PTPRT: variants seen among roughly 807,000 people sequenced by gnomAD.
PTPRT encodes protein tyrosine phosphatase receptor type T, also known as receptor-type tyrosine-protein phosphatase T.
PTPRT carries 56 observed loss-of-function variants against 176.8 expected under a neutral mutation model. The ratio of observed to expected loss-of-function variants is 0.32; its 90% CI spans 0.26 to 0.40. The LOEUF (loss-of-function observed/expected upper bound fraction) is 0.40. Ranked by LOEUF, PTPRT falls within the 10% of genes least tolerant of loss-of-function variation. The pLI, the probability that PTPRT is intolerant of heterozygous loss-of-function variation, is 1.00. For missense variants in PTPRT, 1,540 were observed against 1,908.2 expected (o/e 0.81, Z 3.60); for synonymous variants, 783 against 739.0 (o/e 1.06, Z -0.96).
At chr20:42,247,234 T>C (rs1195215908) in intron 14 of PTPRT, among the ~76,000 whole-genome samples, 1 of 152,080 alleles carries the variant, frequency 6.6e-6, no homozygotes, top group Non-Finnish European at 1.5e-5. Context: ...AGAAGAAATG[T>C]CCTCACAGTT....
intron 11 of PTPRT, among the ~76,000 whole-genome samples, chr20:42,320,772 C>G (rs2057789841): frequency 6.6e-6 from 1 of 152,184 alleles, no homozygotes; most frequent in South Asian, 2.1e-4. Context: ...TTTGTCTCAT[C>G]TCAAACCAAA....
chr20:42,913,339 C>T (rs535203727), intron 1 of PTPRT, among the ~76,000 whole-genome samples: 2 of 152,290 alleles, frequency 1.3e-5, no homozygotes, highest in African/African-American at 4.8e-5. Context: ...CCATGTCTCT[C>T]CCCTGGCTTT....
intron 17 of PTPRT, among the ~76,000 whole-genome samples, chr20:42,151,080 C>T (rs1989107873): frequency 6.6e-6 from 1 of 151,696 alleles, no homozygotes; most frequent in African/African-American, 2.4e-5. Flanking sequence ...TTTTGGTCCA[C>T]TTGTAGAAAT....
intron 2 of PTPRT, among the ~76,000 whole-genome samples, chr20:42,846,997 T>C (rs966997851): frequency 1.3e-5 from 2 of 152,204 alleles, no homozygotes; most frequent in Admixed American, 6.5e-5. Context: ...GCCTGTGTTT[T>C]CTCATTTTAA....
chr20:42,567,598 C>T (rs558158837), intron 7 of PTPRT, among the ~76,000 whole-genome samples: 2 of 152,346 alleles, frequency 1.3e-5, no homozygotes, highest in East Asian at 1.9e-4. Flanking sequence ...GCCTTGTCTG[C>T]TTCACAGCTA....
intron 7 of PTPRT, among the ~76,000 whole-genome samples, chr20:42,556,448 G>A (rs2072862320): frequency 6.6e-6 from 1 of 152,086 alleles, no homozygotes; most frequent in African/African-American, 2.4e-5. Context: ...TGAAGTAAGT[G>A]GATATTGGCG....
intron 9 of PTPRT, among the ~76,000 whole-genome samples, chr20:42,427,746 C>T (rs2059178714): frequency 6.6e-6 from 1 of 152,168 alleles, no homozygotes; most frequent in South Asian, 2.1e-4. Flanking sequence ...AACTGAAGAT[C>T]CACAAAAGAA....
intron 9 of PTPRT, among the ~76,000 whole-genome samples, chr20:42,356,822 C>T (rs1262965788): frequency 3.9e-5 from 6 of 152,108 alleles, no homozygotes; most frequent in South Asian, 4.2e-4. Flanking sequence ...TGGCCTCGCT[C>T]GTCCTCCCCC....
chr20:42,702,970 T>C (rs992318408), intron 6 of PTPRT, among the ~76,000 whole-genome samples: 3 of 152,202 alleles, frequency 2.0e-5, no homozygotes, highest in Non-Finnish European at 4.4e-5. Flanking sequence ...CCAGCCCATA[T>C]GGTTTGGGAT....
At chr20:42,715,170 C>T (rs536618382) in intron 6 of PTPRT, among the ~76,000 whole-genome samples, 5 of 152,224 alleles carry the variant, frequency 3.3e-5, no homozygotes, top group South Asian at 4.1e-4. Context: ...AAGGACACGC[C>T]GGTAATTTAA....
At chr20:42,167,342 C>G (rs1485633723) in intron 16 of PTPRT, among the ~76,000 whole-genome samples, 2 of 152,168 alleles carry the variant, frequency 1.3e-5, no homozygotes, top group African/African-American at 2.4e-5. Flanking sequence ...TCCATTCCTG[C>G]TGCTATTGCC....
At chr20:42,578,164 G>A (rs1384076372) in intron 7 of PTPRT, among the ~76,000 whole-genome samples, 2 of 152,034 alleles carry the variant, frequency 1.3e-5, no homozygotes, top group African/African-American at 2.4e-5. Context: ...GAGTTACCTC[G>A]AGTCAACCAG....
At chr20:42,633,311 C>T (rs2074454196) in intron 7 of PTPRT, among the ~76,000 whole-genome samples, 3 of 152,038 alleles carry the variant, frequency 2.0e-5, no homozygotes, top group African/African-American at 7.3e-5. Context: ...GGAATTTGAT[C>T]AAATAGATGG....
intron 1 of PTPRT, among the ~76,000 whole-genome samples, chr20:42,925,976 A>G (rs1979456297): frequency 6.6e-6 from 1 of 152,186 alleles, no homozygotes; most frequent in South Asian, 2.1e-4. Context: ...ACTTCACTCC[A>G]GGACTCTTCT....
chr20:42,564,620 T>C (rs529013485), intron 7 of PTPRT, among the ~76,000 whole-genome samples: 3 of 152,154 alleles, frequency 2.0e-5, no homozygotes, highest in African/African-American at 7.2e-5. Flanking sequence ...ATTAAGGCAT[T>C]AAGACAAATA....
At chr20:43,157,471 T>C (rs1250237650) in intron 1 of PTPRT, among the ~76,000 whole-genome samples, 1 of 152,096 alleles carries the variant, frequency 6.6e-6, no homozygotes, top group Non-Finnish European at 1.5e-5. Flanking sequence ...ACTGTAAAGG[T>C]AGAACCTTAA....
chr20:42,066,777 AT>A, the PTPRT span, among the ~76,000 whole-genome samples: 1 of 152,136 alleles, frequency 6.6e-6, no homozygotes, highest in African/African-American at 2.4e-5. Flanking sequence ...TCCTTTTATA[AT>A]TATGTATAAT....
chr20:42,084,924 C>T, intron 28 of PTPRT, 79 bp from the exon 29 acceptor site: 11 of 1,244,848 alleles, frequency 8.8e-6, no homozygotes, highest in Non-Finnish European at 1.1e-5. Flanking sequence ...CCGGGGACTG[C>T]AGCATCATGG....
Position 42,756,601 on chromosome 20 carries a change from G to T in PTPRT, c.720C>A (p.Thr240=), listed in dbSNP as rs1386386740. 6.2e-7 allele frequency: 1 copy of T among 1,607,822 alleles called. No individual in the cohort carries two copies. Among genetic ancestry groups the T allele is most frequent in the East Asian group, 2.2e-5 (1 of 44,736 alleles). ...WNGRDTALMV[T]RVVNHRRFSA... Reference sequence around the variant, plus strand: ...AGAAGCGCCTGTGGTTGACCACACGGGTGACCATCAGGGCCGTGTCCCTGC... The same window carrying T: ...AGAAGCGCCTGTGGTTGACCACACGTGTGACCATCAGGGCCGTGTCCCTGC... The change falls in exon 6 of 31, where the codon ACC becomes ACA. Residue 240 remains threonine (T), a synonymous_variant. Coordinates refer to ENST00000373187, the MANE Select transcript of PTPRT (RefSeq NM_007050.6).
Sources: gnomAD v4.1 joint callset for allele counts (sites outside exome capture counted in the v4.1 genomes callset) on GRCh38, gnomAD v4.1.1 for gene constraint, MANE v1.5 for transcripts, NCBI Gene and HGNC (gene_info 2026-07-23, HGNC 2026-07-21) for gene names.